EYS: variants seen among roughly 807,000 people sequenced by gnomAD.
EYS encodes protein eyes shut homolog.
A neutral mutation model predicts 282.1 loss-of-function variants in EYS; 250 were observed. That is an observed-to-expected ratio of 0.89 (90% CI 0.80 to 0.98). The LOEUF is 0.98. EYS is among the 50% of genes least tolerant of loss of function. EYS has a pLI of 0.00. For missense variants in EYS, 4,016 were observed against 3,709.0 expected (o/e 1.08, Z -2.15); for synonymous variants, 1,355 against 1,282.9 (o/e 1.06, Z -1.20).
chr6:64,637,152 A>G lies in EYS; in HGVS notation c.3444-10907T>C, dbSNP rs1452254280. Among the ~76,000 whole-genome samples, 40 of 96,316 alleles carry G rather than the reference A, an allele frequency of 4.2e-4. 8 individuals are homozygous for G. The Admixed American group carries it at 4.3e-3, about 10-fold the overall frequency. 63.2% of individuals were successfully genotyped at this position (96,316 alleles called of 152,430 possible). On this transcript the variant is annotated intron_variant, in intron 22 of 42. Transcript: ENST00000503581. ...TAAAGACACATGCACACGTATGTTT[A>G]TTGCGGCACTATTCACAATAGCAAA...
intron 22 of EYS, among the ~76,000 whole-genome samples, chr6:64,660,058 C>G (rs1033128930): frequency 3.3e-5 from 5 of 152,148 alleles, no homozygotes; most frequent in Non-Finnish European, 5.9e-5. Context: ...AGGCTTCATC[C>G]CTGGGATGCA....
chr6:64,538,959 T>C (rs1160211286), intron 26 of EYS, among the ~76,000 whole-genome samples: 5 of 152,222 alleles, frequency 3.3e-5, no homozygotes, highest in African/African-American at 4.8e-5. Flanking sequence ...TGAGCCCAGA[T>C]GTGCTCTAAA....
At chr6:64,173,525 G>A (rs574345671) in intron 31 of EYS, among the ~76,000 whole-genome samples, 7 of 152,134 alleles carry the variant, frequency 4.6e-5, no homozygotes, top group Admixed American at 2.6e-4. Context: ...CCCTCTATCC[G>A]CTTCCCATTT....
chr6:65,439,984 A>C (rs1768247393), intron 5 of EYS, among the ~76,000 whole-genome samples: 1 of 152,096 alleles, frequency 6.6e-6, no homozygotes, highest in Non-Finnish European at 1.5e-5. Flanking sequence ...CTTGTCAAGC[A>C]GACTAGGAGG....
intron 2 of EYS, among the ~76,000 whole-genome samples, chr6:65,527,494 G>A (rs761803047): frequency 1.3e-5 from 2 of 152,162 alleles, no homozygotes; most frequent in Non-Finnish European, 1.5e-5. Flanking sequence ...CAGAACAGAT[G>A]ACATACCTTT....
intron 35 of EYS, among the ~76,000 whole-genome samples, chr6:63,972,017 G>A (rs573103739): frequency 3.9e-5 from 6 of 152,268 alleles, no homozygotes; most frequent in African/African-American, 1.4e-4. Flanking sequence ...AATTTCACTT[G>A]TTGGGCCTTG....
intron 32 of EYS, among the ~76,000 whole-genome samples, chr6:64,072,529 G>A (rs1398938646): frequency 6.6e-6 from 1 of 151,698 alleles, no homozygotes; most frequent in East Asian, 1.9e-4. Flanking sequence ...GAGGTGAGGT[G>A]GTGGTTGGGA....
intron 30 of EYS, among the ~76,000 whole-genome samples, chr6:64,295,729 CAA>C (rs74773239): frequency 8.9e-4 from 118 of 132,888 alleles, no homozygotes; most frequent in Admixed American, 1.4e-3. Flanking sequence ...ACTCCGTCTC[CAA>C]AAAAAAAAAA....
intron 22 of EYS, among the ~76,000 whole-genome samples, chr6:64,769,258 G>A (rs1227439828): frequency 1.3e-5 from 2 of 151,938 alleles, no homozygotes; most frequent in East Asian, 3.9e-4. Context: ...ATGTAAATGA[G>A]TATTTAGTAT....
At chr6:65,506,748 A>G (rs1203895089) in intron 2 of EYS, among the ~76,000 whole-genome samples, 1 of 151,914 alleles carries the variant, frequency 6.6e-6, no homozygotes, top group Non-Finnish European at 1.5e-5. Context: ...CTGGGATTAC[A>G]GGCATGAGCC....
chr6:65,605,801 AAT>A (rs1471912002), intron 2 of EYS, among the ~76,000 whole-genome samples: 2 of 151,806 alleles, frequency 1.3e-5, no homozygotes, highest in South Asian at 2.1e-4. Context: ...ATGTTGAATA[AAT>A]ATGTGTGTGT....
At chr6:65,395,890 A>G (rs546542984) in intron 7 of EYS, among the ~76,000 whole-genome samples, 1 of 152,228 alleles carries the variant, frequency 6.6e-6, no homozygotes, top group South Asian at 2.1e-4. Flanking sequence ...GAAAACCAGT[A>G]TTCTGTTTCT....
intron 35 of EYS, among the ~76,000 whole-genome samples, chr6:63,977,315 C>A (rs895079907): frequency 4.6e-5 from 7 of 151,924 alleles, no homozygotes; most frequent in African/African-American, 1.7e-4. Flanking sequence ...CAAATCTTAT[C>A]TTTTAGCTGT....
intron 29 of EYS, among the ~76,000 whole-genome samples, chr6:64,388,040 A>G (rs1287837792): frequency 1.3e-5 from 2 of 152,160 alleles, no homozygotes; most frequent in Non-Finnish European, 2.9e-5. Context: ...AATAAGGGAA[A>G]AGATTAATAA....
At chr6:65,507,756 T>C (rs1252360964) in intron 2 of EYS, among the ~76,000 whole-genome samples, 1 of 152,180 alleles carries the variant, frequency 6.6e-6, no homozygotes, top group African/African-American at 2.4e-5. Context: ...ATTTCTATTA[T>C]GGTATTTTTT....
chr6:64,320,162 T>A (rs1244283116), intron 29 of EYS, among the ~76,000 whole-genome samples: 3 of 152,024 alleles, frequency 2.0e-5, no homozygotes, highest in Non-Finnish European at 4.4e-5. Flanking sequence ...TTGTTTGAGA[T>A]GAGAAGTCAG....
chr6:65,133,218 C>T (rs1775929823), intron 12 of EYS, among the ~76,000 whole-genome samples: 1 of 151,740 alleles, frequency 6.6e-6, no homozygotes, highest in African/African-American at 2.4e-5. Flanking sequence ...TAGTTTACAA[C>T]TCATTTGAAA....
intron 1 of EYS, among the ~76,000 whole-genome samples, chr6:65,700,651 C>T (rs1001290083): frequency 6.6e-6 from 1 of 152,022 alleles, no homozygotes; most frequent in African/African-American, 2.4e-5. Flanking sequence ...TTACATTTGC[C>T]GTGTCAGAAA....
chr6:65,014,660 C>A (rs144879762), intron 13 of EYS, among the ~76,000 whole-genome samples: 1 of 152,168 alleles, frequency 6.6e-6, no homozygotes, highest in East Asian at 1.9e-4. Context: ...GAAGGAGATG[C>A]ATTACCACAT....
Sources: allele counts gnomAD v4.1 joint callset (sites outside exome capture counted in the v4.1 genomes callset), GRCh38; gene constraint gnomAD v4.1.1; transcripts MANE v1.5; gene names NCBI Gene and HGNC (gene_info 2026-07-23, HGNC 2026-07-21).